The following NTRK2 variants were observed in gnomAD, a reference collection of about 807,000 sequenced individuals.
NTRK2 encodes neurotrophic receptor tyrosine kinase 2, also known as BDNF/NT-3 growth factors receptor.
Under a neutral mutation model 94.5 loss-of-function variants are expected in NTRK2, and 13 were observed. The ratio of observed to expected loss-of-function variants is 0.14; its 90% CI spans 0.09 to 0.22. The LOEUF (loss-of-function observed/expected upper bound fraction) is 0.22, where lower values mean the gene tolerates loss of function less well. NTRK2 is among the 10% of genes least tolerant of loss of function. The probability of loss-of-function intolerance (pLI) is 1.00; values close to 1 mark genes in which losing one functional copy is unlikely to be tolerated. For missense variants in NTRK2, 639 were observed against 1,071.2 expected (o/e 0.60, Z 5.63); for synonymous variants, 372 against 407.4 (o/e 0.91, Z 1.05).
intron 2 of NTRK2, among the ~76,000 whole-genome samples, chr9:84,674,811 T>C (rs2058932049): frequency 1.3e-5 from 2 of 152,200 alleles, no homozygotes; most frequent in Non-Finnish European, 1.5e-5. Context: ...CTCTGCAATA[T>C]GGACACTTTT....
At chr9:84,828,105 T>G (rs958469390) in intron 12 of NTRK2, among the ~76,000 whole-genome samples, 1 of 152,220 alleles carries the variant, frequency 6.6e-6, no homozygotes, top group Non-Finnish European at 1.5e-5. Flanking sequence ...GACATGGATT[T>G]AATAGACTTT....
chr9:84,954,074 T>C (rs2132954106), intron 16 of NTRK2, among the ~76,000 whole-genome samples: 1 of 151,804 alleles, frequency 6.6e-6, no homozygotes. Context: ...TTTCAAATAC[T>C]CACACGGCTC....
At chr9:84,785,118 T>C (rs187377058) in intron 12 of NTRK2, among the ~76,000 whole-genome samples, 5 of 152,086 alleles carry the variant, frequency 3.3e-5, no homozygotes, top group South Asian at 2.1e-4. Flanking sequence ...TATCCTCTTA[T>C]TGTACTTCCC....
intron 9 of NTRK2, among the ~76,000 whole-genome samples, chr9:84,739,694 A>C (rs994928458): frequency 3.3e-5 from 5 of 152,088 alleles, no homozygotes; most frequent in African/African-American, 1.2e-4. Flanking sequence ...GCCTGAGAAT[A>C]AATCAGTGGC....
chr9:84,839,722 G>A (rs755480504), intron 12 of NTRK2, among the ~76,000 whole-genome samples: 9 of 152,252 alleles, frequency 5.9e-5, no homozygotes, highest in Non-Finnish European at 8.8e-5. Context: ...CAGCGTGCCT[G>A]TGGGTTTTCT....
chr9:84,772,378 C>CTGAT (rs1176999258), intron 12 of NTRK2, among the ~76,000 whole-genome samples: 1 of 152,108 alleles, frequency 6.6e-6, no homozygotes, highest in East Asian at 1.9e-4. Context: ...CCTTGGCCTC[C>CTGAT]TGATGTAGCT....
Position 85,021,594 on chromosome 9 carries a change from T to A in NTRK2, c.*157T>A, listed in dbSNP as rs200261826. On this transcript the variant is annotated 3_prime_UTR_variant, in exon 19 of 19. Transcript: ENST00000277120. ...CGAGAAGCTCTCGAGGGAAGCAGTG[T>A]GTACTTCTTCATCCATAGACACAGT... 53 of 736,802 alleles carry A rather than the reference T, an allele frequency of 7.2e-5. 2 individuals are homozygous for A. Among genetic ancestry groups the A allele is most frequent in the Non-Finnish European group, 1.0e-4 (43 of 413,460 alleles). The allele number at this position is 736,802 out of a possible 1,614,324, so 45.6% of individuals were successfully genotyped here. A position where few individuals can be genotyped will look rare whatever the true frequency, so the allele number is the denominator to read the frequency against.
At chr9:84,768,220 A>C (rs1222927504) in intron 12 of NTRK2, among the ~76,000 whole-genome samples, 1 of 152,260 alleles carries the variant, frequency 6.6e-6, no homozygotes, top group Non-Finnish European at 1.5e-5. Context: ...TCAGATTCAG[A>C]ATTTTCAGAA....
intron 12 of NTRK2, among the ~76,000 whole-genome samples, chr9:84,820,286 C>T (rs938097790): frequency 3.3e-5 from 5 of 151,540 alleles, no homozygotes; most frequent in Non-Finnish European, 5.9e-5. Context: ...TCTCCTGCCT[C>T]AGCCTCCCTA....
At chr9:84,712,367 C>G (rs993553458) in intron 6 of NTRK2, among the ~76,000 whole-genome samples, 3 of 152,142 alleles carry the variant, frequency 2.0e-5, no homozygotes, top group Non-Finnish European at 2.9e-5. Context: ...TTTTCCTAAA[C>G]AGTTTGTCAA....
At chr9:84,767,082 C>A (rs1003126422) in intron 12 of NTRK2, among the ~76,000 whole-genome samples, 1 of 152,152 alleles carries the variant, frequency 6.6e-6, no homozygotes, top group African/African-American at 2.4e-5. Context: ...TATGTCTTGA[C>A]TTTTTCTTGA....
At chr9:84,816,588 G>A (rs967809597) in intron 12 of NTRK2, among the ~76,000 whole-genome samples, 1 of 151,824 alleles carries the variant, frequency 6.6e-6, no homozygotes, top group African/African-American at 2.4e-5. Flanking sequence ...AGACCAGCCT[G>A]GCCAATGTGG....
intron 17 of NTRK2, among the ~76,000 whole-genome samples, chr9:84,968,344 C>T: frequency 6.6e-6 from 1 of 152,132 alleles, no homozygotes; most frequent in East Asian, 1.9e-4. Context: ...GAGCTCTGCC[C>T]TTTGTAATCA....
intron 17 of NTRK2, among the ~76,000 whole-genome samples, chr9:84,981,714 T>C (rs1168688048): frequency 6.6e-6 from 1 of 152,240 alleles, no homozygotes; most frequent in African/African-American, 2.4e-5. Context: ...GCATTTTACT[T>C]TGGCTATTAT....
At chr9:84,701,756 T>C (rs954380789) in intron 2 of NTRK2, among the ~76,000 whole-genome samples, 11 of 152,274 alleles carry the variant, frequency 7.2e-5, no homozygotes, top group Admixed American at 3.3e-4. Context: ...TGGGGAAATA[T>C]GTGACTTTTC....
chr9:84,887,998 T>C (rs17087825), intron 14 of NTRK2, among the ~76,000 whole-genome samples: 9,337 of 151,716 alleles, frequency 0.062, 334 homozygotes, highest in Admixed American at 0.093. Flanking sequence ...ACAAAACCCA[T>C]TTTTTTTAAA....
intron 17 of NTRK2, among the ~76,000 whole-genome samples, chr9:85,003,955 G>A (rs181006072): frequency 7.7e-5 from 10 of 129,798 alleles, no homozygotes; most frequent in African/African-American, 3.0e-4. Flanking sequence ...GGAGTGATTG[G>A]TGGTGATGGT....
chr9:84,955,995 G>T (rs1269643730), intron 17 of NTRK2, among the ~76,000 whole-genome samples: 2 of 152,170 alleles, frequency 1.3e-5, no homozygotes, highest in Non-Finnish European at 2.9e-5. Flanking sequence ...CCAGCGTGGT[G>T]GGTGAGATCT....
chr9:84,821,713 CTGCTGATTT>C (rs994612489), intron 12 of NTRK2, among the ~76,000 whole-genome samples: 2 of 151,912 alleles, frequency 1.3e-5, no homozygotes, highest in African/African-American at 4.8e-5. Flanking sequence ...ATAAATGATG[CTGCTGATTT>C]TGTCTCCTTT....
Sources: gnomAD v4.1 joint callset for allele counts (sites outside exome capture counted in the v4.1 genomes callset) on GRCh38, gnomAD v4.1.1 for gene constraint, MANE v1.5 for transcripts, NCBI Gene and HGNC (gene_info 2026-07-23, HGNC 2026-07-21) for gene names.